Variants in PDS5A observed in about 807,000 individuals in gnomAD.
PDS5A encodes sister chromatid cohesion protein PDS5 homolog A.
PDS5A carries 42 observed loss-of-function variants against 167.1 expected under a neutral mutation model. The observed-to-expected ratio is 0.25, with a 90% CI of 0.20 to 0.33. PDS5A has a LOEUF of 0.33. Among genes scored for constraint, PDS5A ranks in the 10% least tolerant of loss-of-function variants. The pLI, the probability that PDS5A is intolerant of heterozygous loss-of-function variation, is 1.00. For missense variants in PDS5A, 1,033 were observed against 1,605.9 expected, an observed-to-expected ratio of 0.64 and a Z score of 6.10; for synonymous variants, 553 against 554.6, an observed-to-expected ratio of 1.00 and a Z score of 0.04.
rs1308569903 is a variant in PDS5A at position 39,824,970 on chromosome 4, G to A, written c.*515C>T. 6.6e-6 allele frequency: 1 copy of A among 152,398 alleles called. No homozygotes were observed. Among genetic ancestry groups the A allele is most frequent in the Non-Finnish European group, 1.5e-5 (1 of 67,994 alleles). The allele number at this position is 152,398 out of a possible 1,614,324, so 9.4% of individuals were successfully genotyped here. A position where few individuals can be genotyped will look rare whatever the true frequency, so the allele number is the denominator to read the frequency against. On this transcript the variant is annotated 3_prime_UTR_variant, in exon 33 of 33. Transcript: ENST00000303538. ...GAATTATACATAAAAGTTTCCAAAA[G>A]GAAAAACAAAGAAATATTTAATCTG...
chr4:39,857,351 C>CA (rs1188060445), intron 26 of PDS5A, among the ~76,000 whole-genome samples: 1,023 of 67,282 alleles, frequency 0.015, 11 homozygotes, highest in East Asian at 0.045. Flanking sequence ...GACTCCATCT[C>CA]AAAAAAAAAA....
In PDS5A at chr4:39,923,033, A is replaced by G. The variant is rs536515103; in HGVS notation, c.528-285T>C. On this transcript the variant is annotated intron_variant, in intron 5 of 32. Coordinates refer to ENST00000303538, the MANE Select transcript of PDS5A (RefSeq NM_001100399.2). ...TTTTCTTCCATTCACTTTTTTTTAA[A>G]AAGAAAAGAAAAAGGCCGGGCACAG... Among the ~76,000 whole-genome samples the G allele has an allele frequency of 2.0e-4, 31 of 152,254 alleles. No homozygotes were observed. In the East Asian group the frequency reaches 5.4e-3, roughly 27 times the overall value.
At chr4:39,868,571 T>G in intron 22 of PDS5A, 1 of 437,366 alleles carries the variant, frequency 2.3e-6, no homozygotes, top group South Asian at 1.7e-5. Flanking sequence ...CCAAGTGATC[T>G]GCCTGCCTCA....
intron 2 of PDS5A, among the ~76,000 whole-genome samples, chr4:39,937,714 C>CT (rs555043865): frequency 6.6e-6 from 1 of 152,158 alleles, no homozygotes; most frequent in Non-Finnish European, 1.5e-5. Flanking sequence ...GCCAAATGAA[C>CT]TTTTTGTAAG....
chr4:39,903,908 C>A, intron 12 of PDS5A, 132 bp downstream of exon 12: 1 of 489,828 alleles, frequency 2.0e-6, no homozygotes, highest in Non-Finnish European at 3.4e-6. Context: ...AATGATTAAT[C>A]AAGTTGAATA....
chr4:39,900,545 CA>C (rs1722790448), intron 13 of PDS5A, 38 bp from the exon 14 acceptor site: 1 of 1,280,354 alleles, frequency 7.8e-7, no homozygotes, highest in Middle Eastern at 1.8e-4. Context: ...CATTACATAA[CA>C]ATACTGGAAA....
intron 16 of PDS5A, among the ~76,000 whole-genome samples, chr4:39,894,385 G>A (rs1722217213): frequency 6.6e-6 from 1 of 151,812 alleles, no homozygotes; most frequent in South Asian, 2.1e-4. Flanking sequence ...TCCAGCCTGG[G>A]TGACAGAGCA....
rs560365014 is a variant in PDS5A, at chr4:39,863,377, T to C, written c.2725A>G (p.Ile909Val). ...CAGAGCTGAAACTGTTCTGGGGTAA[T>C]AATTTCATGGTAACAAGGTTCCTGA... ...LAQEPCYHEIITPEQFQLCAL... is the reference protein window; with the variant it reads ...LAQEPCYHEIVTPEQFQLCAL... Residue 909 changes from isoleucine (I) to valine (V), a missense_variant, in exon 24 of 33, where the codon ATT becomes GTT. Ile to Val is a conservative substitution (Grantham distance 29). This residue lies in a region of PDS5A where 367 missense variants were observed against 686.7 expected (regional missense o/e 0.53). Transcript: ENST00000303538. 1.2e-5 allele frequency: 19 copies of C among 1,610,138 alleles called. No individual in the cohort carries two copies. The highest frequency in any genetic ancestry group is 1.5e-5 in the Non-Finnish European group (18 of 1,177,202).
Position 39,863,035 on chromosome 4 carries a change from C to T in PDS5A, c.2805G>A (p.Lys935=), listed in dbSNP as rs977582753. Residue 935 remains lysine (K), a synonymous_variant, in exon 25 of 33, where the codon AAG becomes AAA. Coordinates refer to ENST00000303538, the MANE Select transcript of PDS5A (RefSeq NM_001100399.2). ...GTAACTTCACAAGTGCCTTATGCAG[C>T]TTCTGAGCAAATATCTGCCTTACTT... ...CYQVRQIFAQ[K]LHKALVKLLL... is the part of the protein sequence containing the mutation. The T allele has an allele frequency of 1.5e-5, 25 of 1,613,596 alleles. No individual in the cohort carries two copies. Among genetic ancestry groups the T allele is most frequent in the Non-Finnish European group, 2.0e-5 (24 of 1,179,736 alleles).
At chr4:39,852,311 T>C (rs1335059386) in intron 26 of PDS5A, among the ~76,000 whole-genome samples, 3 of 152,284 alleles carry the variant, frequency 2.0e-5, no homozygotes, top group South Asian at 4.1e-4. Context: ...TTGAAATCCC[T>C]GGGGCCATGT....
chr4:39,896,258 T>G (rs1722401521), intron 16 of PDS5A, among the ~76,000 whole-genome samples: 1 of 149,888 alleles, frequency 6.7e-6, no homozygotes, highest in Admixed American at 6.7e-5. Flanking sequence ...ATTGCCCAGG[T>G]TGGTCTCAAA....
rs1578859157 is a variant in PDS5A, at chr4:39,973,320, T to C, written c.138+3120A>G. 13 of 1,607,442 alleles carry C rather than the reference T, an allele frequency of 8.1e-6. No individual in the cohort carries two copies. In the South Asian group the frequency reaches 1.2e-4, roughly 15 times the overall value. ...AAGCAGTCAAAGGTTCCTGACCTTG[T>C]ACATGAACAGCAGGCTGTTGCATTG... On this transcript the variant is annotated intron_variant, in intron 2 of 32. Transcript: ENST00000303538.
intron 2 of PDS5A, chr4:39,972,989 T>C (rs947021960): frequency 1.7e-5 from 8 of 463,638 alleles, no homozygotes; most frequent in Non-Finnish European, 3.2e-5. Context: ...ATTTGCTCGG[T>C]ACATAATGTT....
chr4:39,849,064 G>A, intron 27 of PDS5A, 94 bp from the exon 28 acceptor site: 1 of 871,490 alleles, frequency 1.1e-6, no homozygotes, highest in Non-Finnish European at 1.7e-6. Flanking sequence ...GTTAAAAGAA[G>A]GATACTGTGG....
intron 16 of PDS5A, among the ~76,000 whole-genome samples, chr4:39,896,087 G>A (rs1722388233): frequency 6.7e-6 from 1 of 150,132 alleles, no homozygotes; most frequent in Non-Finnish European, 1.5e-5. Context: ...CTGTCACCCA[G>A]GCTGGAATGC....
intron 12 of PDS5A, 69 bp downstream of exon 12, chr4:39,903,971 A>G: frequency 1.2e-6 from 1 of 827,282 alleles, no homozygotes; most frequent in Non-Finnish European, 1.7e-6. Flanking sequence ...TTACTAAAAT[A>G]TTAAATAGAC....
chr4:39,976,496 C>T lies in PDS5A; in HGVS notation c.82G>A (p.Gly28Arg). 1 of 1,613,496 alleles carries T rather than the reference C, an allele frequency of 6.2e-7. No homozygotes were observed. Among genetic ancestry groups the T allele is most frequent in the African/African-American group, 1.3e-5 (1 of 75,012 alleles). The change falls in exon 2 of 33, where the codon GGG becomes AGG. Residue 28 changes from glycine (G) to arginine (R), a missense_variant. Transcript: ENST00000303538. Reference protein sequence around the residue: ...SADGKIAYPPGVKEITDKITT... With the variant: ...SADGKIAYPPRVKEITDKITT... ...ATCTTGTCGGTGATCTCTTTTACCCCCGGAGGGTAAGCGATCTTCCCGTCG... is the reference window on the plus strand; with the variant it reads ...ATCTTGTCGGTGATCTCTTTTACCCTCGGAGGGTAAGCGATCTTCCCGTCG...
chr4:39,964,098 T>C (rs1729754756), intron 2 of PDS5A, among the ~76,000 whole-genome samples: 1 of 152,154 alleles, frequency 6.6e-6, no homozygotes, highest in African/African-American at 2.4e-5. Flanking sequence ...AACATGGTAC[T>C]TCATATACTT....
rs10664167 is a variant in PDS5A at position 39,923,638 on chromosome 4, AACACACACAC to A, written c.528-900_528-891del. 1.8e-4 allele frequency among the ~76,000 whole-genome samples: 23 copies of A among 125,292 alleles called. No homozygotes were observed. In the East Asian group the frequency reaches 5.1e-3, roughly 28 times the overall value. 82.2% of individuals were successfully genotyped at this position (125,292 alleles called of 152,430 possible). On this transcript the variant is annotated intron_variant, in intron 5 of 32. Transcript: ENST00000303538. ...GGGACAGACCAAGACCCTGTCTCAA[AACACACACAC>A]ACACACACACACACACACACACACG...
Sources: allele counts gnomAD v4.1 joint callset (sites outside exome capture counted in the v4.1 genomes callset), GRCh38; gene constraint gnomAD v4.1.1; regional missense constraint gnomAD v4.1.1; transcripts MANE v1.5; gene names NCBI Gene and HGNC (gene_info 2026-07-23, HGNC 2026-07-21).